The following METAP2 variants were observed in gnomAD, a reference collection of about 807,000 sequenced individuals.
METAP2 encodes the protein methionine aminopeptidase 2.
In METAP2, 25 loss-of-function variants were observed where a neutral mutation model predicts 59.4. The observed-to-expected ratio is 0.42, with a 90% CI of 0.31 to 0.59. METAP2 has a LOEUF of 0.59. Ranked by LOEUF, METAP2 falls within the 20% of genes least tolerant of loss-of-function variation. The probability of loss-of-function intolerance (pLI) is 0.16; values close to 1 mark genes in which losing one functional copy is unlikely to be tolerated. For missense variants in METAP2, 366 were observed against 581.2 expected, an observed-to-expected ratio of 0.63 and a Z score of 3.81; for synonymous variants, 214 against 194.1, an observed-to-expected ratio of 1.10 and a Z score of -0.85.
chr12:95,507,827 A>T (rs182563699), intron 8 of METAP2, among the ~76,000 whole-genome samples: 2 of 147,896 alleles, frequency 1.4e-5, no homozygotes, highest in African/African-American at 2.5e-5. Flanking sequence ...CCCAGGCTGG[A>T]GTACAATGGT....
chr12:95,513,015 C>A, intron 10 of METAP2, 99 bp downstream of exon 10: 2 of 630,922 alleles, frequency 3.2e-6, no homozygotes, highest in South Asian at 2.0e-5. Flanking sequence ...ATAGTATATT[C>A]ATGAATGTAG....
At chr12:95,500,501 G>A (rs1401189486) in intron 7 of METAP2, among the ~76,000 whole-genome samples, 1 of 152,100 alleles carries the variant, frequency 6.6e-6, no homozygotes, top group Non-Finnish European at 1.5e-5. Context: ...TTTGACCATT[G>A]AGTATGATGT....
rs2076424889 is a variant in METAP2 at position 95,513,967 on chromosome 12, G to C, written c.*63G>C. On this transcript the variant is annotated 3_prime_UTR_variant, in exon 11 of 11. Coordinates refer to ENST00000323666, the MANE Select transcript of METAP2 (RefSeq NM_006838.4). Reference sequence around the variant, plus strand: ...AGCTTTGTTGGAAAACATGATACCAGAATTAATTTGCCACATGTTGTCTGT... The same window carrying C: ...AGCTTTGTTGGAAAACATGATACCACAATTAATTTGCCACATGTTGTCTGT... 1 of 1,517,472 alleles carries C rather than the reference G, an allele frequency of 6.6e-7. No homozygotes were observed. The highest frequency in any genetic ancestry group is 8.9e-7 in the Non-Finnish European group (1 of 1,124,610). The allele number at this position is 1,517,472 out of a possible 1,614,324, so 94.0% of individuals were successfully genotyped here. A position where few individuals can be genotyped will look rare whatever the true frequency, so the allele number is the denominator to read the frequency against.
chr12:95,482,132 A>G (rs2076162795), intron 2 of METAP2: 1 of 453,604 alleles, frequency 2.2e-6, no homozygotes. Flanking sequence ...GTTAGGATAC[A>G]AGATCTCCCT....
intron 6 of METAP2, among the ~76,000 whole-genome samples, chr12:95,495,615 G>T (rs994490805): frequency 2.6e-5 from 4 of 152,070 alleles, no homozygotes; most frequent in African/African-American, 9.7e-5. Flanking sequence ...CTTGCCTAAG[G>T]TTTCACTACC....
chr12:95,477,388 G>A (rs530155481), intron 2 of METAP2, among the ~76,000 whole-genome samples: 1 of 152,260 alleles, frequency 6.6e-6, no homozygotes, highest in East Asian at 1.9e-4. Context: ...ACTGTGTCCG[G>A]CCTGTTCCTT....
At chr12:95,480,298 T>C (rs1314381600) in intron 2 of METAP2, among the ~76,000 whole-genome samples, 2 of 152,242 alleles carry the variant, frequency 1.3e-5, no homozygotes, top group Non-Finnish European at 2.9e-5. Flanking sequence ...ATTTGGGGTG[T>C]TTACAGTTTT....
chr12:95,485,896 C>T lies in METAP2; in HGVS notation c.343C>T (p.Pro115Ser), dbSNP rs1269320897. 1 of 1,567,244 alleles carries T rather than the reference C, an allele frequency of 6.4e-7. No homozygotes were observed. Among genetic ancestry groups the T allele is most frequent in the Non-Finnish European group, 8.6e-7 (1 of 1,162,546 alleles). ...KKRGPKVQTD[P>S]PSVPICDLYP... ...TCTCACAGCAAAAGTTCAAACAGACCCTCCCTCAGTTCCAATATGTGACCT... is the reference window on the plus strand; with the variant it reads ...TCTCACAGCAAAAGTTCAAACAGACTCTCCCTCAGTTCCAATATGTGACCT... The change falls in exon 4 of 11, where the codon CCT (proline) becomes TCT (serine). Residue 115 changes from proline to serine, a missense_variant. Transcript: ENST00000323666.
chr12:95,483,234 T>C lies in METAP2; in HGVS notation c.279T>C (p.Asp93=). ...TCTTAGATGGAGATGGCGATGGAGA[T>C]GGAGCAACTGGAAAGAAGAAGAAAA... is the stretch of plus-strand genomic sequence containing the variant. The part of the protein sequence containing the change: ...EDDEDGDGDG[D]GATGKKKKKK... Residue 93 remains aspartate (D), a synonymous_variant, in exon 3 of 11, where the codon GAT becomes GAC. Coordinates refer to ENST00000323666, the MANE Select transcript of METAP2 (RefSeq NM_006838.4). 1 of 1,613,052 alleles carries C rather than the reference T, an allele frequency of 6.2e-7. No individual in the cohort carries two copies. The highest frequency in any genetic ancestry group is 8.5e-7 in the Non-Finnish European group (1 of 1,179,094).
At chr12:95,513,436 A>G (rs1405663000) in intron 10 of METAP2, among the ~76,000 whole-genome samples, 2 of 152,244 alleles carry the variant, frequency 1.3e-5, no homozygotes, top group African/African-American at 2.4e-5. Context: ...ACACGTAAAC[A>G]TGATAAGATG....
intron 8 of METAP2, among the ~76,000 whole-genome samples, chr12:95,507,509 A>G (rs1362100867): frequency 6.6e-6 from 1 of 152,198 alleles, no homozygotes; most frequent in Non-Finnish European, 1.5e-5. Flanking sequence ...TCTTCTCCCT[A>G]TTCTTATGTT....
In METAP2 at chr12:95,512,927, A is replaced by G; in HGVS notation, c.1184+11A>G. 6.7e-7 allele frequency: 1 copy of G among 1,494,438 alleles called. No homozygotes were observed. Among genetic ancestry groups the G allele is most frequent in the Non-Finnish European group, 9.3e-7 (1 of 1,074,374 alleles). 92.6% of individuals were successfully genotyped at this position (1,494,438 alleles called of 1,614,324 possible). A position where few individuals can be genotyped will look rare whatever the true frequency, so the allele number is the denominator to read the frequency against. ...ACATGTGCCAATAAGGTGAGAGACG[A>G]GACGATTGATTTTATGTGGCTAATT... On this transcript the variant is annotated intron_variant, in intron 10 of 10. Coordinates refer to ENST00000323666, the MANE Select transcript of METAP2 (RefSeq NM_006838.4).
chr12:95,492,170 G>A (rs2076243366), intron 4 of METAP2, among the ~76,000 whole-genome samples: 1 of 148,648 alleles, frequency 6.7e-6, no homozygotes, highest in Non-Finnish European at 1.5e-5. Context: ...ATATGTGTGT[G>A]TATATATTTT....
In METAP2 at chr12:95,515,738, C is replaced by G. The variant is rs201717422; in HGVS notation, c.*1834C>G. 56 of 152,224 alleles carry G rather than the reference C, an allele frequency of 3.7e-4. No individual in the cohort carries two copies. Among genetic ancestry groups the G allele is most frequent in the African/African-American group, 1.3e-3 (53 of 41,536 alleles). The allele number at this position is 152,224 out of a possible 1,614,324, so 9.4% of individuals were successfully genotyped here. ...TTGTTTGCTTATTAGCCATGTATCT[C>G]TTAAAATTTTGTTATGTTTACAACG... On this transcript the variant is annotated 3_prime_UTR_variant, in exon 11 of 11. Transcript: ENST00000323666.
At chr12:95,506,711 A>G (rs1047200144) in intron 8 of METAP2, among the ~76,000 whole-genome samples, 2 of 151,940 alleles carry the variant, frequency 1.3e-5, no homozygotes, top group African/African-American at 4.8e-5. Context: ...TCTCTCATCT[A>G]TATCTTTAAC....
At chr12:95,502,532 T>C (rs1247852009) in intron 7 of METAP2, among the ~76,000 whole-genome samples, 1 of 152,120 alleles carries the variant, frequency 6.6e-6, no homozygotes, top group East Asian at 1.9e-4. Context: ...GAAAGTTTGA[T>C]TATCATTTTG....
Position 95,494,063 on chromosome 12 carries a change from G to A in METAP2, c.436G>A (p.Ala146Thr). The A allele has an allele frequency of 6.2e-7, 1 of 1,613,744 alleles. No homozygotes were observed. Among genetic ancestry groups the A allele is most frequent in the Non-Finnish European group, 8.5e-7 (1 of 1,179,810 alleles). ...TCTATGCCCACTCTAAAGGCGAACA[G>A]CTGCTTGGAGAACTACAAGTGAAGA... Reference protein sequence around the residue: ...EYPPTQDGRTAAWRTTSEEKK... With the variant: ...EYPPTQDGRTTAWRTTSEEKK... Residue 146 changes from alanine (A) to threonine (T), a missense_variant, in exon 5 of 11, where the codon GCT becomes ACT. Physicochemically the swap from Ala to Thr is moderately conservative, Grantham distance 58. Around this residue, in one of 4 missense-constraint regions of METAP2, gnomAD observed 177 missense variants for 180.3 expected, o/e 0.98. Coordinates refer to ENST00000323666, the MANE Select transcript of METAP2 (RefSeq NM_006838.4).
Position 95,504,118 on chromosome 12 carries a change from T to A in METAP2, c.921T>A (p.Val307=). 6.2e-7 allele frequency: 1 copy of A among 1,613,008 alleles called. No homozygotes were observed. Among genetic ancestry groups the A allele is most frequent in the Non-Finnish European group, 8.5e-7 (1 of 1,179,050 alleles). Residue 307 remains valine, a synonymous_variant, in exon 8 of 11, where the codon GTT becomes GTA. Transcript: ENST00000323666. ...LCDVGEAIQE[V]MESYEVEIDG... ...ATGTTGGTGAGGCCATCCAAGAAGT[T>A]ATGGAGTCCTATGAAGTTGAAATAG...
At chr12:95,498,815 T>G (rs889669755) in intron 7 of METAP2, among the ~76,000 whole-genome samples, 1 of 152,050 alleles carries the variant, frequency 6.6e-6, no homozygotes, top group Non-Finnish European at 1.5e-5. Flanking sequence ...GTAGTTAAAG[T>G]CTAGCCTGGG....
Sources: gnomAD v4.1 joint callset for allele counts (sites outside exome capture counted in the v4.1 genomes callset) on GRCh38, gnomAD v4.1.1 for gene constraint, gnomAD v4.1.1 regional missense constraint, MANE v1.5 for transcripts, NCBI Gene and HGNC (gene_info 2026-07-23, HGNC 2026-07-21) for gene names.